Variants in PPEF2 observed in about 807,000 individuals in gnomAD.
The protein encoded by PPEF2 is protein phosphatase with EF-hand domain 2.
PPEF2 carries 84 observed loss-of-function variants against 84.7 expected under a neutral mutation model. The ratio of observed to expected loss-of-function variants is 0.99; its 90% CI spans 0.83 to 1.19. PPEF2 has a LOEUF of 1.19. Ranked by LOEUF, PPEF2 falls within the 50% of genes most tolerant of loss-of-function variation. The pLI is 0.00. For synonymous variants in PPEF2, 346 were observed against 345.2 expected, an observed-to-expected ratio of 1.00 and a Z score of -0.03; for missense variants, 924 against 937.5, an observed-to-expected ratio of 0.99 and a Z score of 0.19.
At chr4:75,877,429 A>C (rs1724457499) in intron 10 of PPEF2, among the ~76,000 whole-genome samples, 1 of 151,952 alleles carries the variant, frequency 6.6e-6, no homozygotes, top group South Asian at 2.1e-4. Flanking sequence ...GAAAGGAAGG[A>C]AAGAAGGGAA....
At chr4:75,888,537 T>G (rs1465025848) in intron 5 of PPEF2, among the ~76,000 whole-genome samples, 1 of 152,018 alleles carries the variant, frequency 6.6e-6, no homozygotes, top group East Asian at 1.9e-4. Context: ...TTGCCCCCCC[T>G]GCAAATATTG....
At chr4:75,892,082 G>C in intron 2 of PPEF2, 104 bp from the exon 3 acceptor site, 1 of 1,448,722 alleles carries the variant, frequency 6.9e-7, no homozygotes, top group Non-Finnish European at 9.4e-7. Flanking sequence ...CTGTATATGT[G>C]AGGACAAGAT....
rs535681155 is a variant in PPEF2, at chr4:75,879,896, C to G, written c.933+3030G>C. On this transcript the variant is annotated intron_variant, in intron 10 of 16. Coordinates refer to ENST00000286719, the MANE Select transcript of PPEF2 (RefSeq NM_006239.3). ...TTAGGCTGGAGTGCAGTGGTGCGATCTCGGCTTGCTCAACCTCTGCCTCCC... is the reference window on the plus strand; with the variant it reads ...TTAGGCTGGAGTGCAGTGGTGCGATGTCGGCTTGCTCAACCTCTGCCTCCC... Among the ~76,000 whole-genome samples, 7 of 151,626 alleles carry G rather than the reference C, an allele frequency of 4.6e-5. No homozygotes were observed. The East Asian group carries it at 1.4e-3, about 29-fold the overall frequency.
chr4:75,891,561 G>C (rs1307232008), intron 4 of PPEF2, 87 bp downstream of exon 4: 1 of 1,411,200 alleles, frequency 7.1e-7, no homozygotes, highest in Non-Finnish European at 9.5e-7. Context: ...CCAGATTCAC[G>C]GTTTCACTCC....
rs1230150343 is a variant in PPEF2 at position 75,872,151 on chromosome 4, G to A, written c.1523C>T (p.Ser508Phe). ...GCCAACTTCATAGTAGTTGGAGGCA[G>A]AAAAGATTGTTAATACCTACATCAA... The part of the protein sequence containing the change: ...CHNRKVLTIF[S>F]ASNYYEVGSN... The change falls in exon 13 of 17, where the codon TCT (serine) becomes TTT (phenylalanine). Residue 508 changes from serine (S) to phenylalanine (F), a missense_variant. Physicochemically the swap from Ser to Phe is radical, Grantham distance 155 (BLOSUM62 -2). Coordinates refer to ENST00000286719, the MANE Select transcript of PPEF2 (RefSeq NM_006239.3). 1.9e-6 allele frequency: 3 copies of A among 1,613,410 alleles called. No individual in the cohort carries two copies. The highest frequency in any genetic ancestry group is 2.7e-5 in the African/African-American group (2 of 74,860).
At chr4:75,876,865 G>T (rs949695346) in intron 10 of PPEF2, among the ~76,000 whole-genome samples, 192 bp from the exon 11 acceptor site, 14 of 151,432 alleles carry the variant, frequency 9.2e-5, no homozygotes, top group African/African-American at 3.2e-4. Flanking sequence ...AAAATGAGCT[G>T]GTCATGGTGG....
chr4:75,867,967 C>T (rs1193879098), intron 13 of PPEF2, among the ~76,000 whole-genome samples: 4 of 152,066 alleles, frequency 2.6e-5, no homozygotes, highest in African/African-American at 9.7e-5. Context: ...GGGCACAGTA[C>T]TTGGCCCAAA....
chr4:75,886,341 C>A (rs1560486035), intron 7 of PPEF2, among the ~76,000 whole-genome samples: 1 of 152,194 alleles, frequency 6.6e-6, no homozygotes, highest in Non-Finnish European at 1.5e-5. Flanking sequence ...GTACCCGAGG[C>A]CGGTGCGGAG....
intron 4 of PPEF2, among the ~76,000 whole-genome samples, chr4:75,891,213 A>T (rs1724873500): frequency 6.6e-6 from 1 of 150,890 alleles, no homozygotes; most frequent in Admixed American, 6.6e-5. Flanking sequence ...GAAAAGAAAA[A>T]GCCTCCTTCC....
intron 8 of PPEF2, among the ~76,000 whole-genome samples, chr4:75,883,857 C>T (rs1281099603): frequency 1.4e-5 from 2 of 144,962 alleles, no homozygotes; most frequent in East Asian, 2.0e-4. Flanking sequence ...GGGCTGGACA[C>T]GGTGGCTCAT....
intron 15 of PPEF2, 117 bp downstream of exon 15, chr4:75,866,072 C>T (rs913466267): frequency 8.6e-7 from 1 of 1,166,772 alleles, no homozygotes; most frequent in Non-Finnish European, 1.2e-6. Context: ...TAGTTATTCC[C>T]CTTTCTCACC....
rs544404093 is a variant in PPEF2, at chr4:75,883,938, T to A, written c.746+656A>T. The stretch of plus-strand genomic sequence containing the variant: ...TGAGGTCAGAAGTTCGAGACCAGCC[T>A]GACCAACATGGTGAAACCCGTCTCT... On this transcript the variant is annotated intron_variant, in intron 8 of 16. Transcript: ENST00000286719. Among the ~76,000 whole-genome samples, 61 of 150,836 alleles carry A rather than the reference T, an allele frequency of 4.0e-4. No individual in the cohort carries two copies. In the East Asian group the frequency reaches 0.012, roughly 30 times the overall value.
chr4:75,884,833 C>T lies in PPEF2; in HGVS notation c.580-73G>A, dbSNP rs868811296. ...AGGAAATCAGGTTAAAACCAATAGG[C>T]ATTTGACAATCACATCATGTCTAAC... On this transcript the variant is annotated intron_variant, in intron 7 of 16. Coordinates refer to ENST00000286719, the MANE Select transcript of PPEF2 (RefSeq NM_006239.3). 1.7e-4 allele frequency: 222 copies of T among 1,285,780 alleles called. No homozygotes were observed. In the Middle Eastern group the frequency reaches 2.5e-3, roughly 14 times the overall value. 79.6% of individuals were successfully genotyped at this position (1,285,780 alleles called of 1,614,324 possible). A position where few individuals can be genotyped will look rare whatever the true frequency, so the allele number is the denominator to read the frequency against.
intron 15 of PPEF2, 134 bp downstream of exon 15, chr4:75,866,055 C>T: frequency 9.4e-7 from 1 of 1,060,128 alleles, no homozygotes. Flanking sequence ...CATAGAAACT[C>T]AAGAAATAGT....
chr4:75,887,921 T>C (rs13120456), intron 6 of PPEF2, among the ~76,000 whole-genome samples: 34,292 of 151,964 alleles, frequency 0.23, 4,211 homozygotes, highest in Non-Finnish European at 0.28. Context: ...ACAAGGAGGG[T>C]CTGGTTATTT....
chr4:75,895,866 A>G (rs1724997850), intron 2 of PPEF2, among the ~76,000 whole-genome samples: 2 of 150,982 alleles, frequency 1.3e-5, no homozygotes, highest in Non-Finnish European at 1.5e-5. Flanking sequence ...GTGACCCACA[A>G]CTCCTGGCCT....
Position 75,884,693 on chromosome 4 carries a change from G to A in PPEF2, c.647C>T (p.Ser216Leu), listed in dbSNP as rs371671554. The change falls in exon 8 of 17, where the codon TCA becomes TTA. Residue 216 changes from serine to leucine, a missense_variant. By Grantham distance (145) the Ser-to-Leu change is moderately radical. Coordinates refer to ENST00000286719, the MANE Select transcript of PPEF2 (RefSeq NM_006239.3). ...AAAAAGAATCATCAGGATCTCTACT[G>A]AATCCTTGCCTCGATCCACAAAGTC... Reference protein sequence around the residue: ...NGDFVDRGKDSVEILMILFAF... With the variant: ...NGDFVDRGKDLVEILMILFAF... 6.2e-7 allele frequency: 1 copy of A among 1,613,546 alleles called. No homozygotes were observed. Among genetic ancestry groups the A allele is most frequent in the Non-Finnish European group, 8.5e-7 (1 of 1,179,724 alleles).
intron 14 of PPEF2, 73 bp downstream of exon 14, chr4:75,867,240 G>A (rs1239245526): frequency 8.9e-6 from 10 of 1,128,110 alleles, no homozygotes; most frequent in Non-Finnish European, 1.3e-5. Context: ...ATATTTATTT[G>A]CTAACTAGTG....
At chr4:75,888,078 A>G (rs564849844) in intron 6 of PPEF2, 136 bp downstream of exon 6, 2 of 656,668 alleles carry the variant, frequency 3.0e-6, no homozygotes, top group African/African-American at 1.8e-5. Context: ...TGAATATGCA[A>G]ATTGTGGACC....
Sources: allele counts gnomAD v4.1 joint callset (sites outside exome capture counted in the v4.1 genomes callset), GRCh38; gene constraint gnomAD v4.1.1; transcripts MANE v1.5; gene names NCBI Gene and HGNC (gene_info 2026-07-23, HGNC 2026-07-21).